EIF2S3: variants seen among roughly 807,000 people sequenced by gnomAD.
EIF2S3 encodes the protein eukaryotic translation initiation factor 2 subunit 3.
EIF2S3 carries 2 observed loss-of-function variants against 31.7 expected under a neutral mutation model. That is an observed-to-expected ratio of 0.06 (90% confidence interval 0.03 to 0.20). The LOEUF (loss-of-function observed/expected upper bound fraction) is 0.20, where lower values mean the gene tolerates loss of function less well. Ranked by LOEUF, EIF2S3 falls within the 10% of genes least tolerant of loss-of-function variation. EIF2S3 has a pLI of 1.00. For synonymous variants in EIF2S3, 120 were observed against 126.7 expected, an observed-to-expected ratio of 0.95 and a Z score of 0.36; for missense variants, 96 against 359.3, an observed-to-expected ratio of 0.27 and a Z score of 5.92.
intron 6 of EIF2S3, 35 bp from the exon 7 acceptor site, chrX:24,064,166 G>GTA: frequency 9.2e-7 from 1 of 1,090,957 alleles, no homozygotes; most frequent in Non-Finnish European, 1.2e-6. Context: ...TTATAAAACT[G>GTA]TATAATTTTG....
At position 24,055,853 on chromosome X, in the gene EIF2S3, C is replaced by G. The variant is rs138827851; in HGVS notation, c.133+175C>G. Among the ~76,000 whole-genome samples the G allele has an allele frequency of 5.4e-5, 6 of 111,425 alleles. No individual in the cohort carries two copies. In the East Asian group the frequency reaches 1.7e-3, roughly 31 times the overall value. ...GCAGGGGGAGCACAAAGAATGCTGC[C>G]CACATGTAGCTTACAGACTCGGTAA... On this transcript the variant is annotated intron_variant, in intron 2 of 11. Coordinates refer to ENST00000253039, the MANE Select transcript of EIF2S3 (RefSeq NM_001415.4).
At chrX:24,075,365 A>G (rs1237536273) in intron 11 of EIF2S3, among the ~76,000 whole-genome samples, 1 of 110,434 alleles carries the variant, frequency 9.1e-6, no homozygotes. Flanking sequence ...GCATACACAC[A>G]TTTTTGGCTC....
chrX:24,076,660 T>C, intron 11 of EIF2S3, 62 bp from the exon 12 acceptor site: 1 of 1,070,929 alleles, frequency 9.3e-7, no homozygotes, highest in South Asian at 2.0e-5. Flanking sequence ...ATCACAAGAT[T>C]GTGTGGTAAT....
In EIF2S3 at chrX:24,066,206, T is replaced by C. The variant is rs760887340; in HGVS notation, c.867+114T>C. 180 of 499,870 alleles carry C rather than the reference T, an allele frequency of 3.6e-4. No homozygotes were observed. The African/African-American group carries it at 4.3e-3, about 12-fold the overall frequency. The allele number at this position is 499,870 out of a possible 1,213,427, so 41.2% of individuals were successfully genotyped here. ...AGTATGGACAATCCAAATTGAAAAA[T>C]AAAATTTTTTCCATGGTTTCTGGTA... On this transcript the variant is annotated intron_variant, in intron 8 of 11. Transcript: ENST00000253039.
chrX:24,065,433 C>T (rs1930557067), intron 7 of EIF2S3, among the ~76,000 whole-genome samples: 1 of 110,829 alleles, frequency 9.0e-6, no homozygotes, highest in South Asian at 3.8e-4. Context: ...CCATCCTGGG[C>T]ATTAAGGGAA....
Position 24,057,639 on chromosome X carries a change from A to C in EIF2S3, c.268A>C (p.Lys90Gln), listed in dbSNP as rs753384185. 1 of 1,210,654 alleles carries C rather than the reference A, an allele frequency of 8.3e-7. No homozygotes were observed. The change falls in exon 4 of 12, where the codon AAG (lysine) becomes CAG (glutamine). Residue 90 changes from lysine to glutamine, a missense_variant. By Grantham distance (53) the Lys-to-Gln change is moderately conservative (BLOSUM62 1). This residue lies in a region of EIF2S3 where 22 missense variants were observed against 34.5 expected (regional missense o/e 0.64). Transcript: ENST00000253039. ...TTTTTTATTGAAATTTTAGATTTAT[A>C]AGCTTGATGACCCAAGTTGCCCTCG... ...KLGYANAKIYKLDDPSCPRPE... is the reference protein window; with the variant it reads ...KLGYANAKIYQLDDPSCPRPE...
intron 4 of EIF2S3, 60 bp from the exon 5 acceptor site, chrX:24,060,028 A>T (rs1043153007): frequency 2.2e-6 from 2 of 905,436 alleles, no homozygotes; most frequent in African/African-American, 3.9e-5. Context: ...AAAAAATCTA[A>T]AACTAGCATG....
At chrX:24,072,104 C>T (rs1930680097) in intron 10 of EIF2S3, among the ~76,000 whole-genome samples, 1 of 110,091 alleles carries the variant, frequency 9.1e-6, no homozygotes, top group Non-Finnish European at 1.9e-5. Flanking sequence ...GACTTGACCT[C>T]CTGACCTCAA....
intron 8 of EIF2S3, among the ~76,000 whole-genome samples, chrX:24,067,110 G>C (rs1427608494): frequency 9.1e-6 from 1 of 109,309 alleles, no homozygotes; most frequent in Non-Finnish European, 1.9e-5. Context: ...GCATGATCTT[G>C]ACTCACTGCA....
chrX:24,068,772 A>G (rs12556739), intron 9 of EIF2S3, among the ~76,000 whole-genome samples: 54,004 of 110,786 alleles, frequency 0.49, 11,890 homozygotes, highest in Non-Finnish European at 0.68. Context: ...ATATTTTGCA[A>G]ATGGAAAATT....
chrX:24,055,651 A>G lies in EIF2S3; in HGVS notation c.106A>G (p.Ile36Val), dbSNP rs763418298. 4 of 1,210,087 alleles carry G rather than the reference A, an allele frequency of 3.3e-6. No individual in the cohort carries two copies. The highest frequency in any genetic ancestry group is 4.5e-6 in the Non-Finnish European group (4 of 894,997). ...TKLTPLSHEV[I>V]SRQATINIGT... ...GTTGACGCCACTTTCACACGAAGTT[A>G]TCAGCAGACAAGCCACAATTAACAT... Residue 36 changes from isoleucine to valine, a missense_variant, in exon 2 of 12, where the codon ATC becomes GTC. Physicochemically the swap from Ile to Val is conservative, Grantham distance 29 (BLOSUM62 3). Transcript: ENST00000253039.
intron 9 of EIF2S3, among the ~76,000 whole-genome samples, chrX:24,070,755 A>G (rs899863385): frequency 1.1e-4 from 12 of 111,745 alleles, no homozygotes; most frequent in Non-Finnish European, 2.3e-4. Flanking sequence ...GTCTTTAACT[A>G]TCTTTTCAAT....
At chrX:24,064,977 T>C in intron 7 of EIF2S3, among the ~76,000 whole-genome samples, 1 of 111,938 alleles carries the variant, frequency 8.9e-6, no homozygotes, top group East Asian at 2.8e-4. Flanking sequence ...ATTTTGTTGT[T>C]CAATTAACGA....
chrX:24,076,588 T>G (rs1455165776), intron 11 of EIF2S3, 134 bp from the exon 12 acceptor site: 5 of 569,130 alleles, frequency 8.8e-6, no homozygotes, highest in Non-Finnish European at 1.4e-5. Flanking sequence ...GTGTGGGCTT[T>G]CTTTATGGAG....
rs780402136 is a variant in EIF2S3 at position 24,076,691 on chromosome X, AT to A, written c.1356-28del. 40 of 1,184,540 alleles carry A rather than the reference AT, an allele frequency of 3.4e-5. No individual in the cohort carries two copies. In the African/African-American group the frequency reaches 5.8e-4, roughly 17 times the overall value. The stretch of plus-strand genomic sequence containing the variant: ...GTAATGAGAGTGAAGTGGATGTAAG[AT>A]TTATGATTTCTTTTATTTTCATTTT... On this transcript the variant is annotated intron_variant, in intron 11 of 11. Transcript: ENST00000253039.
rs766361482 is a variant in EIF2S3 at position 24,057,612 on chromosome X, CTT to C, written c.262-15_262-14del. On this transcript the variant is annotated intron_variant, in intron 3 of 11. Coordinates refer to ENST00000253039, the MANE Select transcript of EIF2S3 (RefSeq NM_001415.4). Reference sequence around the variant, plus strand: ...TGTTGTGCAGATAACAAATCAAAATCTTTTTTTATTGAAATTTTAGATTTATA... The same window carrying C: ...TGTTGTGCAGATAACAAATCAAAATCTTTTTATTGAAATTTTAGATTTATA... 10 of 1,208,044 alleles carry C rather than the reference CTT, an allele frequency of 8.3e-6. No individual in the cohort carries two copies. In the African/African-American group the frequency reaches 1.1e-4, roughly 13 times the overall value.
At chrX:24,057,218 A>G (rs760580356) in intron 2 of EIF2S3, among the ~76,000 whole-genome samples, 1 of 111,942 alleles carries the variant, frequency 8.9e-6, no homozygotes, top group Admixed American at 9.5e-5. Context: ...TTTAGTAGAG[A>G]TGGGGTTTCA....
rs1332488934 is a variant in EIF2S3 at position 24,078,088 on chromosome X, C to T, written c.*1303C>T. 1 of 109,635 alleles carries T rather than the reference C, an allele frequency of 9.1e-6. No homozygotes were observed. Among genetic ancestry groups the T allele is most frequent in the South Asian group, 3.9e-4 (1 of 2,552 alleles). The allele number at this position is 109,635 out of a possible 1,213,427, so 9.0% of individuals were successfully genotyped here. On this transcript the variant is annotated 3_prime_UTR_variant, in exon 12 of 12. Transcript: ENST00000253039. ...TCACCTAGGCTAGAGTACAGTGGCA[C>T]GATCTTGGCTCGCTGCAACCTCTGC...
At chrX:24,066,229 G>T (rs1930571127) in intron 8 of EIF2S3, 137 bp downstream of exon 8, 1 of 410,273 alleles carries the variant, frequency 2.4e-6, no homozygotes, top group Non-Finnish European at 4.1e-6. Context: ...ATGGTTTCTG[G>T]TATTTGATGT....
Sources: gnomAD v4.1 joint callset for allele counts (sites outside exome capture counted in the v4.1 genomes callset) on GRCh38, gnomAD v4.1.1 for gene constraint, gnomAD v4.1.1 regional missense constraint, MANE v1.5 for transcripts, NCBI Gene and HGNC (gene_info 2026-07-23, HGNC 2026-07-21) for gene names.